EEFSEC: variants seen among roughly 807,000 people sequenced by gnomAD.
EEFSEC encodes eukaryotic elongation factor, selenocysteine-tRNA specific, also known as selenocysteine-specific elongation factor.
EEFSEC carries 43 observed loss-of-function variants against 42.1 expected under a neutral mutation model. That is an observed-to-expected ratio of 1.02 (90% CI 0.80 to 1.32). The LOEUF (loss-of-function observed/expected upper bound fraction) is 1.32. EEFSEC is among the 40% of genes most tolerant of loss of function. The pLI is 0.00. For synonymous variants in EEFSEC, 354 were observed against 339.1 expected (o/e 1.04, Z -0.48); for missense variants, 745 against 803.6 (o/e 0.93, Z 0.88).
At chr3:128,416,135 T>C in the EEFSEC span, among the ~76,000 whole-genome samples, 5 of 152,020 alleles carry the variant, frequency 3.3e-5, no homozygotes, top group Admixed American at 3.3e-4. Flanking sequence ...GCCCCGATGA[T>C]AAGACAGACA....
the EEFSEC span, among the ~76,000 whole-genome samples, chr3:128,423,427 T>C: frequency 6.6e-6 from 1 of 152,070 alleles, no homozygotes; most frequent in Non-Finnish European, 1.5e-5. Context: ...CCCAGTGAGC[T>C]ATGATTGCAC....
intron 1 of EEFSEC, among the ~76,000 whole-genome samples, chr3:128,206,188 A>G (rs948062457): frequency 6.6e-6 from 1 of 152,184 alleles, no homozygotes; most frequent in African/African-American, 2.4e-5. Context: ...AATCTGGAAC[A>G]CCTTTCTGGG....
chr3:128,343,606 A>G (rs2067280076), intron 5 of EEFSEC, among the ~76,000 whole-genome samples: 1 of 152,186 alleles, frequency 6.6e-6, no homozygotes, highest in African/African-American at 2.4e-5. Flanking sequence ...CTATAGTAAA[A>G]TATCTATGAG....
chr3:128,383,194 C>A (rs1360375934), intron 6 of EEFSEC, among the ~76,000 whole-genome samples: 1 of 152,234 alleles, frequency 6.6e-6, no homozygotes, highest in Non-Finnish European at 1.5e-5. Flanking sequence ...TAGCATCTAG[C>A]ACTATCGGAA....
the EEFSEC span, among the ~76,000 whole-genome samples, chr3:128,421,992 G>A: frequency 6.6e-6 from 1 of 152,170 alleles, no homozygotes; most frequent in Non-Finnish European, 1.5e-5. Context: ...CATACAGGTG[G>A]TTTGTGGAAA....
intron 1 of EEFSEC, among the ~76,000 whole-genome samples, chr3:128,245,974 T>C (rs1405570637): frequency 1.3e-5 from 2 of 152,208 alleles, no homozygotes; most frequent in African/African-American, 2.4e-5. Flanking sequence ...GGCATTCTTA[T>C]AAGCTCAAAA....
At chr3:128,224,527 G>C (rs2065890229) in intron 1 of EEFSEC, among the ~76,000 whole-genome samples, 1 of 152,102 alleles carries the variant, frequency 6.6e-6, no homozygotes, top group Admixed American at 6.5e-5. Flanking sequence ...AACATACTCA[G>C]GACAAAGAGA....
chr3:128,343,447 C>A (rs1376960982), intron 5 of EEFSEC, among the ~76,000 whole-genome samples: 1 of 152,146 alleles, frequency 6.6e-6, no homozygotes, highest in Admixed American at 6.5e-5. Flanking sequence ...GAGCTTGGAC[C>A]CTTAGCTCCG....
chr3:128,414,114 T>A, the EEFSEC span, among the ~76,000 whole-genome samples: 2 of 152,220 alleles, frequency 1.3e-5, no homozygotes, highest in African/African-American at 4.8e-5. Context: ...CGCCAACGTC[T>A]AGTTCACCTC....
At chr3:128,287,970 C>A (rs112246868) in intron 4 of EEFSEC, among the ~76,000 whole-genome samples, 102 of 151,028 alleles carry the variant, frequency 6.8e-4, no homozygotes, top group African/African-American at 2.1e-3. Context: ...CCGCCCCCCC[C>A]AAAAAACTCT....
chr3:128,389,940 G>A (rs1191378000), intron 6 of EEFSEC, among the ~76,000 whole-genome samples: 2 of 152,212 alleles, frequency 1.3e-5, no homozygotes, highest in Non-Finnish European at 2.9e-5. Flanking sequence ...CCGGTTGCAG[G>A]GGTGGCTGAG....
chr3:128,347,404 A>G (rs1348289943), intron 5 of EEFSEC, among the ~76,000 whole-genome samples: 2 of 152,234 alleles, frequency 1.3e-5, no homozygotes, highest in African/African-American at 4.8e-5. Flanking sequence ...ACTAGAGCAT[A>G]TGGTGATAAG....
intron 4 of EEFSEC, among the ~76,000 whole-genome samples, chr3:128,297,784 G>A (rs778209694): frequency 6.6e-6 from 1 of 152,034 alleles, no homozygotes; most frequent in Non-Finnish European, 1.5e-5. Context: ...ATAAAATTAG[G>A]CACTTTTTTG....
In EEFSEC at chr3:128,398,173, T is replaced by C. The variant is rs546334126; in HGVS notation, c.1601-9896T>C. ...CAGGCCCTGACTATCTCTGGGGGCA[T>C]TGGATCTGTACTCAGGGCAGAGTGT... On this transcript the variant is annotated intron_variant, in intron 6 of 6. Coordinates refer to ENST00000254730, the MANE Select transcript of EEFSEC (RefSeq NM_021937.5). Among the ~76,000 whole-genome samples, 4 of 152,160 alleles carry C rather than the reference T, an allele frequency of 2.6e-5. No individual in the cohort carries two copies. The East Asian group carries it at 7.8e-4, about 30-fold the overall frequency.
chr3:128,254,077 G>A (rs1444750846), intron 2 of EEFSEC, among the ~76,000 whole-genome samples: 1 of 152,246 alleles, frequency 6.6e-6, no homozygotes, highest in Admixed American at 6.5e-5. Context: ...GGAGCTTCCT[G>A]TGCAGTTGGA....
At chr3:128,377,423 A>G (rs1360628868) in intron 6 of EEFSEC, among the ~76,000 whole-genome samples, 1 of 152,206 alleles carries the variant, frequency 6.6e-6, no homozygotes, top group African/African-American at 2.4e-5. Context: ...GCTGAGTCTT[A>G]GTTTCCTCGC....
At chr3:128,269,540 A>G (rs948421599) in intron 4 of EEFSEC, among the ~76,000 whole-genome samples, 9 of 152,186 alleles carry the variant, frequency 5.9e-5, no homozygotes, top group Admixed American at 5.2e-4. Flanking sequence ...TTTCACTAAT[A>G]GACTTGGACA....
At chr3:128,350,524 T>G (rs1035580686) in intron 5 of EEFSEC, among the ~76,000 whole-genome samples, 1 of 152,204 alleles carries the variant, frequency 6.6e-6, no homozygotes, top group African/African-American at 2.4e-5. Flanking sequence ...AGGGAGATGA[T>G]CAAATGGCTG....
rs756132067 is a variant in EEFSEC, at chr3:128,341,824, G to A, written c.1378G>A (p.Ala460Thr). Residue 460 changes from alanine (A) to threonine (T), a missense_variant, in exon 5 of 7, where the codon GCC becomes ACC. Ala to Thr is a moderately conservative substitution (Grantham distance 58). Transcript: ENST00000254730. Reference protein sequence around the residue: ...LLHGLEDRNYADSFLPRLKVY... With the variant: ...LLHGLEDRNYTDSFLPRLKVY... ...CCACGGGCTAGAGGACAGGAACTAC[G>A]CCGACAGCTTCCTGCCCAGGCTGAA... 2.4e-5 allele frequency: 39 copies of A among 1,613,998 alleles called. 1 individual carries two copies. Among genetic ancestry groups the A allele is most frequent in the South Asian group, 1.9e-4 (17 of 91,084 alleles).
Sources: gnomAD v4.1 joint callset for allele counts (sites outside exome capture counted in the v4.1 genomes callset) on GRCh38, gnomAD v4.1.1 for gene constraint, MANE v1.5 for transcripts, NCBI Gene and HGNC (gene_info 2026-07-23, HGNC 2026-07-21) for gene names.